Variants in MYO1C observed in about 807,000 individuals in gnomAD.
MYO1C encodes unconventional myosin-Ic.
In MYO1C, 104 loss-of-function variants were observed where a neutral mutation model predicts 150.8. The ratio of observed to expected loss-of-function variants is 0.69; its 90% CI spans 0.59 to 0.81. The LOEUF is 0.81. Ranked by LOEUF, MYO1C falls within the 30% of genes least tolerant of loss-of-function variation. The pLI is 0.00. For synonymous variants in MYO1C, 663 were observed against 579.9 expected (o/e 1.14, Z -2.06); for missense variants, 1,504 against 1,435.0 (o/e 1.05, Z -0.78).
intron 25 of MYO1C, 106 bp from the exon 26 acceptor site, chr17:1,468,602 G>A: frequency 1.1e-6 from 1 of 882,668 alleles, no homozygotes; most frequent in South Asian, 1.4e-5. Context: ...CCGCTTGCTG[G>A]TCCCTCTCTG....
rs560258271 is a variant in MYO1C at position 1,482,472 on chromosome 17, T to G, written c.627+6A>C. The G allele has an allele frequency of 6.2e-7, 1 of 1,613,056 alleles. No homozygotes were observed. The highest frequency in any genetic ancestry group is 2.2e-5 in the East Asian group (1 of 44,868). On this transcript the variant is annotated splice_donor_region_variant and intron_variant, in intron 5 of 31. Coordinates refer to ENST00000648651, the MANE Select transcript of MYO1C (RefSeq NM_001080779.2). ...GGAATCCTCACGACACACACATCCA[T>G]GGTACCTTGAAGTCAAACTGCACAT...
At chr17:1,474,427 CAAAAAAAAAAAA>C (rs869242496) in intron 17 of MYO1C, among the ~76,000 whole-genome samples, 171 bp downstream of exon 17, 1 of 85,722 alleles carries the variant, frequency 1.2e-5, no homozygotes, top group Non-Finnish European at 2.5e-5. Flanking sequence ...GACCCTGTCT[CAAAAAAAAAAAA>C]AAAAAAAAAA....
In MYO1C at chr17:1,465,444, A is replaced by G. The variant is rs2074150609; in HGVS notation, c.*282T>C. 2.8e-6 allele frequency: 1 copy of G among 363,012 alleles called. No individual in the cohort carries two copies. The highest frequency in any genetic ancestry group is 4.0e-5 in the East Asian group (1 of 24,928). The allele number at this position is 363,012 out of a possible 1,614,324, so 22.5% of individuals were successfully genotyped here. A position where few individuals can be genotyped will look rare whatever the true frequency, so the allele number is the denominator to read the frequency against. On this transcript the variant is annotated 3_prime_UTR_variant, in exon 32 of 32. Transcript: ENST00000648651. ...AAAAACCTCAGAGAAAACCTCAGCA[A>G]AAGTTCCCTTCTCTCAAATATTTGG... is the stretch of plus-strand genomic sequence containing the variant.
chr17:1,477,984 A>G lies in MYO1C; in HGVS notation c.1402-13T>C. The G allele has an allele frequency of 6.2e-7, 1 of 1,613,812 alleles. No homozygotes were observed. The highest frequency in any genetic ancestry group is 8.5e-7 in the Non-Finnish European group (1 of 1,179,698). On this transcript the variant is annotated splice_polypyrimidine_tract_variant and intron_variant, in intron 12 of 31. Coordinates refer to ENST00000648651, the MANE Select transcript of MYO1C (RefSeq NM_001080779.2). ...GGACGGGCTCCCACTGAGGGGCAGA[A>G]GGGAAGGAAGGGATCACCGTGGGGT...
intron 31 of MYO1C, among the ~76,000 whole-genome samples, chr17:1,466,411 A>C (rs2074172306): frequency 6.6e-6 from 1 of 151,314 alleles, no homozygotes; most frequent in Admixed American, 6.6e-5. Context: ...GCTCACCGCA[A>C]CCTCCACCTC....
In MYO1C at chr17:1,492,399, G is replaced by A. The variant is rs752228395; in HGVS notation, c.75+14C>T. ...GCTCCCACCCTCCTCCCAGCCCAGA[G>A]CATCCCAGCTTACAAGCTTGCAGGG... On this transcript the variant is annotated intron_variant, in intron 1 of 31. Coordinates refer to ENST00000648651, the MANE Select transcript of MYO1C (RefSeq NM_001080779.2). 24 of 1,596,494 alleles carry A rather than the reference G, an allele frequency of 1.5e-5. No homozygotes were observed. The highest frequency in any genetic ancestry group is 2.0e-5 in the Non-Finnish European group (23 of 1,171,920).
chr17:1,484,495 G>A (rs1477385738), intron 1 of MYO1C, 192 bp from the exon 2 acceptor site: 8 of 661,468 alleles, frequency 1.2e-5, no homozygotes, highest in African/African-American at 3.6e-5. Flanking sequence ...GCGGAAAGCC[G>A]GGTGTGGAGG....
At chr17:1,468,862 A>G in intron 25 of MYO1C, 1 of 377,614 alleles carries the variant, frequency 2.6e-6, no homozygotes, top group Non-Finnish European at 5.0e-6. Flanking sequence ...GCATCATCCA[A>G]TACTGAGTTG....
At chr17:1,470,559 A>C (rs767280453) in intron 22 of MYO1C, 40 bp from the exon 23 acceptor site, 2 of 1,568,080 alleles carry the variant, frequency 1.3e-6, no homozygotes, top group South Asian at 1.2e-5. Context: ...CTATCTTCTT[A>C]CCATGGTGGC....
rs139792172 is a variant in MYO1C at position 1,470,196 on chromosome 17, C to A, written c.2505G>T (p.Thr835=). 1 of 1,610,696 alleles carries A rather than the reference C, an allele frequency of 6.2e-7. No individual in the cohort carries two copies. Among genetic ancestry groups the A allele is most frequent in the Non-Finnish European group, 8.5e-7 (1 of 1,179,114 alleles). ...PQNVLDTSWP[T]PPPALREASE... is the part of the protein sequence containing the mutation. ...AGACCTCACGCAGGGCAGGTGGGGGCGTGGGCCACGAGGTGTCCAGGACAT... is the reference window on the plus strand; with the variant it reads ...AGACCTCACGCAGGGCAGGTGGGGGAGTGGGCCACGAGGTGTCCAGGACAT... Residue 835 remains threonine (T), a synonymous_variant, in exon 24 of 32, where the codon ACG becomes ACT. Coordinates refer to ENST00000648651, the MANE Select transcript of MYO1C (RefSeq NM_001080779.2).
intron 2 of MYO1C, 108 bp from the exon 3 acceptor site, chr17:1,483,833 C>CTCT: frequency 1.1e-6 from 1 of 892,640 alleles, no homozygotes; most frequent in Non-Finnish European, 1.8e-6. Context: ...CACCTGAGGT[C>CTCT]GGGAGTTCAA....
At chr17:1,489,369 G>T (rs941404823) in intron 1 of MYO1C, among the ~76,000 whole-genome samples, 2 of 152,304 alleles carry the variant, frequency 1.3e-5, no homozygotes, top group South Asian at 4.1e-4. Context: ...TGCCTGGGGG[G>T]TCCAGCAAAC....
At chr17:1,472,462 T>C in intron 17 of MYO1C, 1 of 555,874 alleles carries the variant, frequency 1.8e-6, no homozygotes, top group East Asian at 3.0e-5. Flanking sequence ...AGCCTAAAAC[T>C]CCTGCTCAGG....
intron 1 of MYO1C, chr17:1,484,604 C>T (rs2150964058): frequency 1.8e-6 from 1 of 544,870 alleles, no homozygotes; most frequent in South Asian, 2.0e-5. Context: ...GGCATGGACG[C>T]AGGCAGGACC....
chr17:1,466,931 G>A (rs917775772), intron 31 of MYO1C, among the ~76,000 whole-genome samples: 18 of 151,706 alleles, frequency 1.2e-4, no homozygotes, highest in Non-Finnish European at 2.5e-4. Flanking sequence ...CCAGCCTTTT[G>A]CATTTTTTTA....
chr17:1,471,810 TA>T, intron 19 of MYO1C, 96 bp downstream of exon 19: 1 of 1,354,474 alleles, frequency 7.4e-7, no homozygotes, highest in Non-Finnish European at 1.1e-6. Flanking sequence ...TCCGCATTTC[TA>T]AAATGGGGCC....
At chr17:1,483,166 C>T in intron 3 of MYO1C, 107 bp from the exon 4 acceptor site, 1 of 1,147,368 alleles carries the variant, frequency 8.7e-7, no homozygotes, top group East Asian at 2.6e-5. Context: ...GTCGAATACA[C>T]CCTTGAGGAT....
chr17:1,479,794 G>A lies in MYO1C; in HGVS notation c.907-89C>T, dbSNP rs1302409665. ...AGCAGATGGCCATGCAGGGGTGGGT[G>A]GTGAAGTGTCGGAGAGAAGGGGCTG... On this transcript the variant is annotated intron_variant, in intron 7 of 31. Transcript: ENST00000648651. This position sits in a 1 kb window ranked among gnomAD's most constrained non-coding sequence, Gnocchi z 4.2. The A allele has an allele frequency of 1.1e-6, 1 of 897,198 alleles. No homozygotes were observed. Among genetic ancestry groups the A allele is most frequent in the Non-Finnish European group, 1.8e-6 (1 of 563,932 alleles). The allele number at this position is 897,198 out of a possible 1,614,324, so 55.6% of individuals were successfully genotyped here. A position where few individuals can be genotyped will look rare whatever the true frequency, so the allele number is the denominator to read the frequency against.
At chr17:1,484,358 C>G (rs1361651303) in intron 1 of MYO1C, 55 bp from the exon 2 acceptor site, 1 of 1,593,448 alleles carries the variant, frequency 6.3e-7, no homozygotes, top group Non-Finnish European at 8.5e-7. Flanking sequence ...GGGGCAAGGC[C>G]ACTTCCCTGC....
Sources: gnomAD v4.1 joint callset for allele counts (sites outside exome capture counted in the v4.1 genomes callset) on GRCh38, gnomAD v4.1.1 for gene constraint, Gnocchi (gnomAD v3.1) non-coding constraint, MANE v1.5 for transcripts, NCBI Gene and HGNC (gene_info 2026-07-23, HGNC 2026-07-21) for gene names.